Variants in ZFYVE28 observed in about 807,000 individuals in gnomAD.
The protein encoded by ZFYVE28 is lateral signaling target protein 2 homolog.
ZFYVE28 carries 40 observed loss-of-function variants against 82.1 expected under a neutral mutation model. The ratio of observed to expected loss-of-function variants is 0.49; its 90% CI spans 0.38 to 0.63. The LOEUF (loss-of-function observed/expected upper bound fraction) is 0.63, where lower values mean the gene tolerates loss of function less well. Ranked by LOEUF, ZFYVE28 falls within the 30% of genes least tolerant of loss-of-function variation. The pLI is 0.00. For synonymous variants in ZFYVE28, 612 were observed against 546.1 expected (o/e 1.12, Z -1.68); for missense variants, 1,321 against 1,242.1 (o/e 1.06, Z -0.96).
intron 1 of ZFYVE28, chr4:2,364,812 G>A: frequency 1.0e-6 from 1 of 985,580 alleles, no homozygotes. Context: ...GACTGGGAAT[G>A]GCGGGGGCTG....
chr4:2,269,770 C>G lies in ZFYVE28; in HGVS notation c.*955G>C, dbSNP rs1019227074. 1 of 152,176 alleles carries G rather than the reference C, an allele frequency of 6.6e-6. No individual in the cohort carries two copies. The allele number at this position is 152,176 out of a possible 1,614,324, so 9.4% of individuals were successfully genotyped here. ...AATTAGATTTATCCTAGAAAAGAAG[C>G]AGTAGGTGTGTCATCTCCAAAAATA... On this transcript the variant is annotated 3_prime_UTR_variant, in exon 13 of 13. Coordinates refer to ENST00000290974, the MANE Select transcript of ZFYVE28 (RefSeq NM_020972.3).
chr4:2,368,211 C>CAAAAAAAAAAAAAAAAAAAAAAAA (rs34092714), intron 1 of ZFYVE28, among the ~76,000 whole-genome samples: 1 of 86,192 alleles, frequency 1.2e-5, no homozygotes, highest in African/African-American at 4.4e-5. Flanking sequence ...CACATCTCTA[C>CAAAAAAAAAAAAAAAAAAAAAAAA]AAAAAAAAAA....
intron 6 of ZFYVE28, among the ~76,000 whole-genome samples, chr4:2,327,111 A>T (rs879436126): frequency 6.6e-6 from 1 of 151,532 alleles, no homozygotes; most frequent in African/African-American, 2.4e-5. Context: ...TTAGCTGGGC[A>T]TGGTGGCTCA....
At chr4:2,386,426 G>C (rs570954955) in intron 1 of ZFYVE28, among the ~76,000 whole-genome samples, 1 of 152,042 alleles carries the variant, frequency 6.6e-6, no homozygotes, top group Non-Finnish European at 1.5e-5. Context: ...CGGAGGTTGC[G>C]GTGAGCTGAG....
At chr4:2,292,555 G>C (rs1713894589) in intron 8 of ZFYVE28, among the ~76,000 whole-genome samples, 1 of 152,206 alleles carries the variant, frequency 6.6e-6, no homozygotes, top group Non-Finnish European at 1.5e-5. Context: ...GACGTCAGGA[G>C]GATGGAGCAG....
chr4:2,368,230 A>AAAAAAAC (rs1727123104), intron 1 of ZFYVE28, among the ~76,000 whole-genome samples: 7 of 148,520 alleles, frequency 4.7e-5, no homozygotes, highest in African/African-American at 1.8e-4. Flanking sequence ...AAAAAAAAAA[A>AAAAAAAC]CACTGTATCT....
intron 5 of ZFYVE28, 125 bp downstream of exon 5, chr4:2,337,282 G>T: frequency 1.3e-6 from 1 of 767,938 alleles, no homozygotes. Context: ...CACGTCTGGT[G>T]CCTTCCATCT....
intron 7 of ZFYVE28, among the ~76,000 whole-genome samples, chr4:2,311,328 A>G (rs1194528806): frequency 1.3e-5 from 2 of 152,214 alleles, no homozygotes; most frequent in African/African-American, 4.8e-5. Context: ...GTTCGAGACC[A>G]GCCTGGCCAA....
chr4:2,289,081 G>A (rs1325582021), intron 8 of ZFYVE28, among the ~76,000 whole-genome samples: 4 of 152,232 alleles, frequency 2.6e-5, no homozygotes, highest in African/African-American at 7.2e-5. Context: ...CCAAGAGTTC[G>A]AGACCAGCCT....
At chr4:2,271,079 CCT>C (rs1735863819) in intron 12 of ZFYVE28, 1 of 749,724 alleles carries the variant, frequency 1.3e-6, no homozygotes, top group Non-Finnish European at 2.1e-6. Context: ...CTCGCTGTCC[CCT>C]CTCTGTGGCT....
At position 2,332,235 on chromosome 4, in the gene ZFYVE28, C is replaced by T. The variant is rs1720821597; in HGVS notation, c.701+3470G>A. On this transcript the variant is annotated intron_variant, in intron 6 of 12. Coordinates refer to ENST00000290974, the MANE Select transcript of ZFYVE28 (RefSeq NM_020972.3). The surrounding 1 kb of genome is among the most constrained non-coding windows in gnomAD (Gnocchi z 4.7). Reference sequence around the variant, plus strand: ...TTCCCTGGGGGTCACCTGGGGGGTCCCAGGATGCCCACTTCACAGAGGCAG... The same window carrying T: ...TTCCCTGGGGGTCACCTGGGGGGTCTCAGGATGCCCACTTCACAGAGGCAG... Among the ~76,000 whole-genome samples the T allele has an allele frequency of 6.6e-6, 1 of 152,084 alleles. No individual in the cohort carries two copies. The highest frequency in any genetic ancestry group is 1.5e-5 in the Non-Finnish European group (1 of 67,984).
chr4:2,308,761 G>C (rs962897301), intron 7 of ZFYVE28, among the ~76,000 whole-genome samples: 4 of 150,072 alleles, frequency 2.7e-5, no homozygotes, highest in African/African-American at 9.8e-5. Flanking sequence ...AGAAAAGAGA[G>C]AAAGAGGGAG....
intron 5 of ZFYVE28, among the ~76,000 whole-genome samples, chr4:2,336,717 AAGGAGTAAGGAGGTG>A (rs1277115221): frequency 4.1e-5 from 6 of 144,866 alleles, no homozygotes; most frequent in Admixed American, 1.4e-4. Context: ...ATAAGGAGCT[AAGGAGTAAGGAGGTG>A]AGGAGTAAGG....
chr4:2,329,174 C>A (rs1428431938), intron 6 of ZFYVE28: 4 of 691,802 alleles, frequency 5.8e-6, no homozygotes, highest in Non-Finnish European at 1.1e-5. Flanking sequence ...GGAGTTTCGA[C>A]AGCAATTGCA....
At chr4:2,359,261 G>A (rs904903903) in intron 1 of ZFYVE28, among the ~76,000 whole-genome samples, 7 of 152,066 alleles carry the variant, frequency 4.6e-5, no homozygotes, top group South Asian at 4.2e-4. Flanking sequence ...GATTACAGGG[G>A]TGAGCCACCG....
chr4:2,308,113 TTTCTTCTTC>T (rs554713358), intron 7 of ZFYVE28, among the ~76,000 whole-genome samples: 1 of 151,926 alleles, frequency 6.6e-6, no homozygotes, highest in African/African-American at 2.4e-5. Flanking sequence ...TGTCTCCAAT[TTTCTTCTTC>T]TTCTTCTTCT....
At chr4:2,340,404 T>C (rs1318306200) in intron 3 of ZFYVE28, among the ~76,000 whole-genome samples, 1 of 152,178 alleles carries the variant, frequency 6.6e-6, no homozygotes, top group Non-Finnish European at 1.5e-5. Flanking sequence ...AGACCTGTTG[T>C]CACAGGGAGG....
intron 8 of ZFYVE28, among the ~76,000 whole-genome samples, chr4:2,297,086 T>C (rs554310411): frequency 6.6e-6 from 1 of 152,054 alleles, no homozygotes; most frequent in Non-Finnish European, 1.5e-5. Context: ...AGCCGAATGG[T>C]GGATGTGGGA....
At chr4:2,375,939 T>A (rs1351615222) in intron 1 of ZFYVE28, among the ~76,000 whole-genome samples, 7 of 151,586 alleles carry the variant, frequency 4.6e-5, no homozygotes, top group Admixed American at 4.6e-4. Flanking sequence ...AATGGCACAA[T>A]CTTGGCTCAC....
Sources: allele counts gnomAD v4.1 joint callset (sites outside exome capture counted in the v4.1 genomes callset), GRCh38; gene constraint gnomAD v4.1.1; non-coding constraint Gnocchi (gnomAD v3.1); transcripts MANE v1.5; gene names NCBI Gene and HGNC (gene_info 2026-07-23, HGNC 2026-07-21).